HDAC4: variants seen among roughly 807,000 people sequenced by gnomAD.
HDAC4 encodes the protein histone deacetylase 4, also known as histone deacetylase A.
A neutral mutation model predicts 135.1 loss-of-function variants in HDAC4; 16 were observed. The observed-to-expected ratio is 0.12, with a 90% CI of 0.08 to 0.18. The LOEUF is 0.18. Among genes scored for constraint, HDAC4 ranks in the 10% least tolerant of loss-of-function variants. The pLI is 1.00. For synonymous variants in HDAC4, 685 were observed against 653.4 expected, an observed-to-expected ratio of 1.05 and a Z score of -0.74; for missense variants, 1,143 against 1,511.8, an observed-to-expected ratio of 0.76 and a Z score of 4.05.
chr2:239,076,399 C>T (rs2034768556), intron 22 of HDAC4, among the ~76,000 whole-genome samples: 2 of 152,246 alleles, frequency 1.3e-5, no homozygotes, highest in African/African-American at 4.8e-5. Context: ...ATGGCCTGTA[C>T]ATACCATCCT....
rs3791617 is a variant in HDAC4 at position 239,227,105 on chromosome 2, G to A, written c.94+9488C>T. On this transcript the variant is annotated intron_variant, in intron 3 of 26. Transcript: ENST00000543185. ...TGACCCATCAGCCAGGGTGGGCCAA[G>A]GGAGGGGCAGACCAGTCTCGGTCAC... is the stretch of plus-strand genomic sequence containing the variant. Among the ~76,000 whole-genome samples the A allele has an allele frequency of 6.2e-3, 947 of 152,348 alleles. 21 individuals carry two copies. In the East Asian group the frequency reaches 0.086, roughly 14 times the overall value.
At chr2:239,196,529 A>G (rs1368342089) in intron 3 of HDAC4, among the ~76,000 whole-genome samples, 3 of 152,216 alleles carry the variant, frequency 2.0e-5, no homozygotes, top group African/African-American at 7.2e-5. Context: ...GGAGGAGTTG[A>G]CGATGGTTCC....
chr2:239,128,071 T>G lies in HDAC4; in HGVS notation c.1295-1377A>C, dbSNP rs116411438. 7.5e-3 allele frequency among the ~76,000 whole-genome samples: 1,135 copies of G among 152,312 alleles called. 8 individuals are homozygous for G. The highest frequency in any genetic ancestry group is 0.013 in the Non-Finnish European group (872 of 68,032). ...CTGCTCTTCACTACCTTTTCAAAAG[T>G]TATTCACTAGTGTTCTCTAAACCAC... On this transcript the variant is annotated intron_variant, in intron 11 of 26. Transcript: ENST00000543185.
At chr2:239,365,589 C>T (rs76746950) in intron 1 of HDAC4, among the ~76,000 whole-genome samples, 1 of 152,154 alleles carries the variant, frequency 6.6e-6, no homozygotes, top group African/African-American at 2.4e-5. Flanking sequence ...GGGACACACA[C>T]ACACACTTGC....
At position 239,068,185 on chromosome 2, in the gene HDAC4, A is replaced by G. The variant is rs1574894288; in HGVS notation, c.2869+304T>C. On this transcript the variant is annotated intron_variant, in intron 23 of 26. Coordinates refer to ENST00000543185, the MANE Select transcript of HDAC4 (RefSeq NM_001378414.1). The surrounding 1 kb of genome is among the most constrained non-coding windows in gnomAD (Gnocchi z 4.4). ...CATCTCAGCTCTTGGTGGGACCAGG[A>G]CCTGCCCCTGGAGGTGGCCTGCAGG... 6.6e-6 allele frequency among the ~76,000 whole-genome samples: 1 copy of G among 152,070 alleles called. No homozygotes were observed. Among genetic ancestry groups the G allele is most frequent in the Admixed American group, 6.5e-5 (1 of 15,282 alleles).
At chr2:239,059,078 T>C (rs2032295141) in intron 24 of HDAC4, among the ~76,000 whole-genome samples, 1 of 152,130 alleles carries the variant, frequency 6.6e-6, no homozygotes, top group South Asian at 2.1e-4. Flanking sequence ...TGTTTGGAAA[T>C]TAGAAAACAC....
At chr2:239,083,214 T>C (rs1190124625) in intron 20 of HDAC4, among the ~76,000 whole-genome samples, 1 of 152,254 alleles carries the variant, frequency 6.6e-6, no homozygotes, top group Non-Finnish European at 1.5e-5. Flanking sequence ...GCAGCCTGTC[T>C]GCGTGTCCTA....
At position 239,195,149 on chromosome 2, in the gene HDAC4, C is replaced by A. The variant is rs76912079; in HGVS notation, c.95-5072G>T. On this transcript the variant is annotated intron_variant, in intron 3 of 26. Coordinates refer to ENST00000543185, the MANE Select transcript of HDAC4 (RefSeq NM_001378414.1). ...CAGAATGCTGTCGCTGTTCTCACTA[C>A]GGCACCTCCTGCATTTTCACTCATT... 1.2e-4 allele frequency among the ~76,000 whole-genome samples: 18 copies of A among 152,310 alleles called. No homozygotes were observed. The South Asian group carries it at 3.5e-3, about 30-fold the overall frequency.
chr2:239,149,894 G>A (rs1229186380), intron 7 of HDAC4, among the ~76,000 whole-genome samples: 1 of 152,172 alleles, frequency 6.6e-6, no homozygotes, highest in Non-Finnish European at 1.5e-5. Flanking sequence ...CTGCTGGGGA[G>A]GGGGTATCAT....
intron 3 of HDAC4, among the ~76,000 whole-genome samples, chr2:239,193,676 A>G (rs11692243): frequency 0.27 from 41,231 of 152,152 alleles, 5,570 homozygotes; most frequent in African/African-American, 0.29. Flanking sequence ...AGCAGCCAAG[A>G]GCGCGAGGGG....
chr2:239,352,820 G>A lies in HDAC4; in HGVS notation c.-121C>T. 2.9e-6 allele frequency: 3 copies of A among 1,026,914 alleles called. No homozygotes were observed. Among genetic ancestry groups the A allele is most frequent in the Non-Finnish European group, 3.0e-6 (2 of 672,278 alleles). 63.6% of individuals were successfully genotyped at this position (1,026,914 alleles called of 1,614,324 possible). A position where few individuals can be genotyped will look rare whatever the true frequency, so the allele number is the denominator to read the frequency against. On this transcript the variant is annotated 5_prime_UTR_variant, in exon 2 of 27. Transcript: ENST00000543185. The surrounding 1 kb of genome is among the most constrained non-coding windows in gnomAD (Gnocchi z 4.4). ...ACAAGTACCGGGACGGTGAGGGCTGGGTCACAGACGTTCAAGCGCCGAGCC... is the reference window on the plus strand; with the variant it reads ...ACAAGTACCGGGACGGTGAGGGCTGAGTCACAGACGTTCAAGCGCCGAGCC...
intron 5 of HDAC4, among the ~76,000 whole-genome samples, chr2:239,170,051 G>A (rs747375435): frequency 3.3e-5 from 5 of 152,142 alleles, no homozygotes; most frequent in Admixed American, 2.0e-4. Flanking sequence ...CATTTAAAGT[G>A]CATTTATTAT....
At chr2:239,213,253 A>G (rs2046440280) in intron 3 of HDAC4, among the ~76,000 whole-genome samples, 1 of 152,056 alleles carries the variant, frequency 6.6e-6, no homozygotes, top group Non-Finnish European at 1.5e-5. Context: ...GGGCACAGCC[A>G]CAAGGACAGA....
At chr2:239,339,139 A>G (rs1302216998) in intron 2 of HDAC4, among the ~76,000 whole-genome samples, 2 of 152,240 alleles carry the variant, frequency 1.3e-5, no homozygotes, top group Non-Finnish European at 2.9e-5. Flanking sequence ...CAACTCAGAT[A>G]CATCAGCCAC....
intron 2 of HDAC4, among the ~76,000 whole-genome samples, chr2:239,288,066 T>TAA (rs34053864): frequency 0.3 from 43,571 of 144,842 alleles, 6,601 homozygotes; most frequent in South Asian, 0.49. Flanking sequence ...CCCTGTAAGT[T>TAA]AAAAAAAAAA....
chr2:239,317,062 C>T (rs180797403), intron 2 of HDAC4, among the ~76,000 whole-genome samples: 30 of 152,288 alleles, frequency 2.0e-4, no homozygotes, highest in African/African-American at 7.2e-4. Context: ...GGCTTTTAGA[C>T]CCGGTATCTG....
chr2:239,065,262 T>G (rs969783210), intron 24 of HDAC4, among the ~76,000 whole-genome samples: 3 of 152,198 alleles, frequency 2.0e-5, no homozygotes, highest in African/African-American at 7.2e-5. Flanking sequence ...CCTGTAAGTG[T>G]GTGACCGCCT....
In HDAC4 at chr2:239,203,629, T is replaced by A. The variant is rs532290965; in HGVS notation, c.95-13552A>T. Among the ~76,000 whole-genome samples, 9 of 152,192 alleles carry A rather than the reference T, an allele frequency of 5.9e-5. No homozygotes were observed. In the South Asian group the frequency reaches 1.9e-3, roughly 32 times the overall value. ...GACTGTCTTCTGTAAAAGGAGGGTG[T>A]GGTGACTGCCGTGGTGACTGCCAAG... On this transcript the variant is annotated intron_variant, in intron 3 of 26. Coordinates refer to ENST00000543185, the MANE Select transcript of HDAC4 (RefSeq NM_001378414.1).
At chr2:239,368,087 G>A (rs926184138) in intron 1 of HDAC4, among the ~76,000 whole-genome samples, 1 of 152,176 alleles carries the variant, frequency 6.6e-6, no homozygotes, top group Non-Finnish European at 1.5e-5. Context: ...AACTCTGAGA[G>A]CCTGAACACT....
Sources: allele counts gnomAD v4.1 joint callset (sites outside exome capture counted in the v4.1 genomes callset), GRCh38; gene constraint gnomAD v4.1.1; non-coding constraint Gnocchi (gnomAD v3.1); transcripts MANE v1.5; gene names NCBI Gene and HGNC (gene_info 2026-07-23, HGNC 2026-07-21).